IL1RAPL2: variants seen among roughly 807,000 people sequenced by gnomAD.
The protein encoded by IL1RAPL2 is X-linked interleukin-1 receptor accessory protein-like 2.
Under a neutral mutation model 44.1 loss-of-function variants are expected in IL1RAPL2, and 3 were observed. The observed-to-expected ratio is 0.07, with a 90% CI of 0.03 to 0.18. IL1RAPL2 has a LOEUF of 0.18. Among genes scored for constraint, IL1RAPL2 ranks in the 10% least tolerant of loss-of-function variants. The pLI, the probability that IL1RAPL2 is intolerant of heterozygous loss-of-function variation, is 1.00. For missense variants in IL1RAPL2, 391 were observed against 496.4 expected, an observed-to-expected ratio of 0.79 and a Z score of 2.02; for synonymous variants, 181 against 178.8, an observed-to-expected ratio of 1.01 and a Z score of -0.10.
At position 105,058,209 on chromosome X, in the gene IL1RAPL2, C is replaced by G. The variant is rs778313531; in HGVS notation, c.83-137266C>G. 2.7e-5 allele frequency among the ~76,000 whole-genome samples: 3 copies of G among 110,517 alleles called. No homozygotes were observed. In the South Asian group the frequency reaches 1.2e-3, roughly 43 times the overall value. On this transcript the variant is annotated intron_variant, in intron 2 of 10. Coordinates refer to ENST00000372582, the MANE Select transcript of IL1RAPL2 (RefSeq NM_017416.2). ...CTCGTGATCTGCCTGCCTCAGCCTT[C>G]TAAAGCGCTGGGATTACAGGCGTGA...
At chrX:105,029,370 T>G (rs1602900616) in intron 2 of IL1RAPL2, among the ~76,000 whole-genome samples, 2 of 103,109 alleles carry the variant, frequency 1.9e-5, no homozygotes, top group African/African-American at 3.5e-5. Context: ...CATTTAGCAT[T>G]AGGTATATCT....
chrX:105,239,600 C>A (rs1556206016), intron 4 of IL1RAPL2, among the ~76,000 whole-genome samples: 2 of 85,549 alleles, frequency 2.3e-5, no homozygotes, highest in African/African-American at 2.1e-4. Context: ...TAAGGCTGGC[C>A]ATTTTTTTTT....
intron 6 of IL1RAPL2, among the ~76,000 whole-genome samples, chrX:105,504,832 A>G (rs1398720295): frequency 8.9e-6 from 1 of 111,908 alleles, no homozygotes; most frequent in Non-Finnish European, 1.9e-5. Flanking sequence ...AAGTCTATGC[A>G]TATAATGCAA....
intron 1 of IL1RAPL2, among the ~76,000 whole-genome samples, chrX:104,639,799 G>GT (rs1186378657): frequency 2.7e-5 from 3 of 111,784 alleles, no homozygotes; most frequent in Non-Finnish European, 5.6e-5. Context: ...TTTGCTGGCA[G>GT]TTTTTTTCTT....
intron 2 of IL1RAPL2, among the ~76,000 whole-genome samples, chrX:105,060,104 G>A (rs769746024): frequency 4.5e-5 from 5 of 111,220 alleles, no homozygotes; most frequent in South Asian, 3.8e-4. Context: ...CCACATCCTC[G>A]TCAGCATTCA....
intron 2 of IL1RAPL2, among the ~76,000 whole-genome samples, chrX:105,159,920 A>G (rs1367679982): frequency 1.8e-5 from 2 of 109,457 alleles, no homozygotes; most frequent in Admixed American, 9.8e-5. Context: ...GAGGAAACAG[A>G]TTACATGGGT....
intron 2 of IL1RAPL2, among the ~76,000 whole-genome samples, chrX:105,153,742 G>C (rs770513581): frequency 7.2e-5 from 8 of 111,854 alleles, no homozygotes; most frequent in Non-Finnish European, 1.1e-4. Context: ...AAGATCTCCT[G>C]ATTGGCAATT....
At position 104,599,695 on chromosome X, in the gene IL1RAPL2, C is replaced by CAT. The variant is rs59388140; in HGVS notation, c.-20+32644_-20+32645insAT. Among the ~76,000 whole-genome samples, 10 of 104,387 alleles carry CAT rather than the reference C, an allele frequency of 9.6e-5. No individual in the cohort carries two copies. The East Asian group carries it at 2.7e-3, about 28-fold the overall frequency. The allele number at this position is 104,387 out of a possible 115,157, so 90.6% of individuals were successfully genotyped here. ...ACACACACACACACACACACACACA[C>CAT]GTAATCATTTAAAAAGGTTGGTGGA... On this transcript the variant is annotated intron_variant, in intron 1 of 10. Coordinates refer to ENST00000372582, the MANE Select transcript of IL1RAPL2 (RefSeq NM_017416.2).
At chrX:104,988,283 A>G (rs1351013402) in intron 2 of IL1RAPL2, among the ~76,000 whole-genome samples, 1 of 112,380 alleles carries the variant, frequency 8.9e-6, no homozygotes, top group African/African-American at 3.2e-5. Context: ...CTTACATAGC[A>G]ATTTAAGGTT....
At chrX:105,556,931 T>C (rs1020970434) in intron 6 of IL1RAPL2, among the ~76,000 whole-genome samples, 17 of 111,934 alleles carry the variant, frequency 1.5e-4, no homozygotes, top group Non-Finnish European at 2.6e-4. Flanking sequence ...TACTAGTAAA[T>C]CATTCCTTAC....
At chrX:104,640,501 A>G (rs1231022872) in intron 1 of IL1RAPL2, among the ~76,000 whole-genome samples, 3 of 111,693 alleles carry the variant, frequency 2.7e-5, no homozygotes, top group Non-Finnish European at 3.8e-5. Flanking sequence ...TTTCTTTTTC[A>G]TTGGAATCTG....
chrX:105,745,656 C>T (rs779729250), intron 8 of IL1RAPL2, among the ~76,000 whole-genome samples: 1 of 111,317 alleles, frequency 9.0e-6, no homozygotes, highest in South Asian at 3.8e-4. Flanking sequence ...ATCTAATCAC[C>T]TCTCACATGC....
At chrX:104,773,980 A>G (rs749350740) in intron 2 of IL1RAPL2, among the ~76,000 whole-genome samples, 1 of 112,292 alleles carries the variant, frequency 8.9e-6, no homozygotes, top group South Asian at 3.7e-4. Flanking sequence ...AAATCTTTCA[A>G]CATGGAAGGA....
intron 6 of IL1RAPL2, among the ~76,000 whole-genome samples, chrX:105,628,615 A>G (rs1200285830): frequency 1.8e-5 from 2 of 112,358 alleles, no homozygotes; most frequent in African/African-American, 6.5e-5. Flanking sequence ...TGAATGTGGA[A>G]ATGGAAGCAC....
At chrX:105,200,919 A>C (rs782478425) in intron 3 of IL1RAPL2, among the ~76,000 whole-genome samples, 10 of 107,777 alleles carry the variant, frequency 9.3e-5, no homozygotes, top group Admixed American at 3.9e-4. Flanking sequence ...TCACACCCAC[A>C]CACACACACA....
chrX:104,785,751 A>G (rs1932794986), intron 2 of IL1RAPL2, among the ~76,000 whole-genome samples: 1 of 112,508 alleles, frequency 8.9e-6, no homozygotes, highest in Non-Finnish European at 1.9e-5. Context: ...TCAAAAGGAA[A>G]GATGAATCTA....
At chrX:105,347,601 T>G (rs868790059) in intron 5 of IL1RAPL2, among the ~76,000 whole-genome samples, 3 of 101,094 alleles carry the variant, frequency 3.0e-5, no homozygotes, top group Admixed American at 1.1e-4. Context: ...ATCATCATCA[T>G]CAGCCAACAT....
chrX:105,415,177 A>G (rs1164212621), intron 5 of IL1RAPL2, among the ~76,000 whole-genome samples: 1 of 111,854 alleles, frequency 8.9e-6, no homozygotes, highest in Non-Finnish European at 1.9e-5. Flanking sequence ...GACATATCCC[A>G]ATTTCTTCTT....
At chrX:105,582,410 G>C (rs1404746631) in intron 6 of IL1RAPL2, among the ~76,000 whole-genome samples, 4 of 111,141 alleles carry the variant, frequency 3.6e-5, no homozygotes, top group Non-Finnish European at 5.7e-5. Context: ...CATTTGGGGA[G>C]AATTGACCTG....
Sources: gnomAD v4.1 joint callset for allele counts (sites outside exome capture counted in the v4.1 genomes callset) on GRCh38, gnomAD v4.1.1 for gene constraint, MANE v1.5 for transcripts, NCBI Gene and HGNC (gene_info 2026-07-23, HGNC 2026-07-21) for gene names.